Variants in NCOA2 observed in about 807,000 individuals in gnomAD.
NCOA2 encodes nuclear receptor coactivator 2.
In NCOA2, 21 loss-of-function variants were observed where a neutral mutation model predicts 145.1. That is an observed-to-expected ratio of 0.14 (90% CI 0.10 to 0.21). NCOA2 has a LOEUF of 0.21. NCOA2 is among the 10% of genes least tolerant of loss of function. The probability of loss-of-function intolerance (pLI) is 1.00; values close to 1 mark genes in which losing one functional copy is unlikely to be tolerated. For missense variants in NCOA2, 1,472 were observed against 1,837.6 expected (o/e 0.80, Z 3.64); for synonymous variants, 619 against 637.5 (o/e 0.97, Z 0.44).
intron 1 of NCOA2, among the ~76,000 whole-genome samples, chr8:70,309,734 T>TGAACCTAGGAGTTCCAGACCA (rs1828164294): frequency 6.6e-6 from 1 of 152,054 alleles, no homozygotes; most frequent in South Asian, 2.1e-4. Flanking sequence ...GAGGATTGCT[T>TGAACCTAGGAGTTCCAGACCA]GAACCTAGGA....
At chr8:70,144,502 T>C (rs1366222674) in intron 13 of NCOA2, 140 bp downstream of exon 13, 2 of 709,242 alleles carry the variant, frequency 2.8e-6, no homozygotes, top group Admixed American at 5.3e-5. Flanking sequence ...ACAGTGAAAA[T>C]CTGTAGAATT....
At chr8:70,145,457 TG>T (rs1563519406) in intron 12 of NCOA2, among the ~76,000 whole-genome samples, 2 of 152,138 alleles carry the variant, frequency 1.3e-5, no homozygotes, top group East Asian at 3.9e-4. Flanking sequence ...CCCGAGTAGC[TG>T]GGACTACAGC....
the NCOA2 span, among the ~76,000 whole-genome samples, chr8:70,442,015 A>C: frequency 6.8e-6 from 1 of 146,114 alleles, no homozygotes; most frequent in South Asian, 2.2e-4. Flanking sequence ...GAAATAAAGG[A>C]AAGAAAGAAA....
In NCOA2 at chr8:70,170,197, T is replaced by C. The variant is rs1814093238; in HGVS notation, c.541+5A>G. Reference sequence around the variant, plus strand: ...GGTAGGGAGGGAGACCCAGCAGACATTTACCTATAGACTTTGGCAGCAGGT... The same window carrying C: ...GGTAGGGAGGGAGACCCAGCAGACACTTACCTATAGACTTTGGCAGCAGGT... On this transcript the variant is annotated splice_donor_5th_base_variant and intron_variant, in intron 6 of 22. Transcript: ENST00000452400. 2 of 1,612,246 alleles carry C rather than the reference T, an allele frequency of 1.2e-6. No homozygotes were observed. Among genetic ancestry groups the C allele is most frequent in the African/African-American group, 2.7e-5 (2 of 74,844 alleles).
intron 2 of NCOA2, among the ~76,000 whole-genome samples, chr8:70,240,258 G>T (rs1822012106): frequency 6.6e-6 from 1 of 152,144 alleles, no homozygotes; most frequent in Non-Finnish European, 1.5e-5. Flanking sequence ...TGTAATATTT[G>T]CAGATAACAT....
intron 9 of NCOA2, among the ~76,000 whole-genome samples, chr8:70,161,169 T>C (rs1563547982): frequency 6.6e-6 from 1 of 152,222 alleles, no homozygotes; most frequent in Non-Finnish European, 1.5e-5. Context: ...AAGTTTGAAA[T>C]GTCTATACGG....
chr8:70,302,211 A>G (rs929906974), intron 1 of NCOA2, among the ~76,000 whole-genome samples: 2 of 152,176 alleles, frequency 1.3e-5, no homozygotes, highest in Non-Finnish European at 2.9e-5. Flanking sequence ...TATAGCCTTC[A>G]TGTGAATTTT....
chr8:70,208,176 T>C (rs1289775989), intron 4 of NCOA2, among the ~76,000 whole-genome samples: 3 of 152,066 alleles, frequency 2.0e-5, no homozygotes, highest in Non-Finnish European at 4.4e-5. Context: ...GGACAGAAGA[T>C]CAAGCCAGCC....
At chr8:70,244,182 G>A (rs1822410929) in intron 2 of NCOA2, among the ~76,000 whole-genome samples, 1 of 151,944 alleles carries the variant, frequency 6.6e-6, no homozygotes, top group African/African-American at 2.4e-5. Context: ...TATGTGATTT[G>A]GAAACATACA....
chr8:70,423,507 G>A, the NCOA2 span, among the ~76,000 whole-genome samples: 1 of 152,122 alleles, frequency 6.6e-6, no homozygotes. Flanking sequence ...ATCCTCTGAA[G>A]TGCAGGAGAT....
At chr8:70,201,049 C>CAAAAAAAAA (rs60951750) in intron 4 of NCOA2, among the ~76,000 whole-genome samples, 2 of 63,938 alleles carry the variant, frequency 3.1e-5, no homozygotes, top group Non-Finnish European at 2.7e-5. Flanking sequence ...GACTGTGTCT[C>CAAAAAAAAA]AAAAAAAAAA....
chr8:70,214,298 T>C (rs1411737274), intron 3 of NCOA2, among the ~76,000 whole-genome samples: 1 of 152,170 alleles, frequency 6.6e-6, no homozygotes, highest in Non-Finnish European at 1.5e-5. Flanking sequence ...TTCAATGTGT[T>C]TGGCGTCTCC....
chr8:70,250,474 G>T (rs1476422507), intron 2 of NCOA2, among the ~76,000 whole-genome samples: 1 of 150,602 alleles, frequency 6.6e-6, no homozygotes, highest in East Asian at 1.9e-4. Flanking sequence ...GGAGGCTGAG[G>T]CAAGAGGATC....
chr8:70,384,383 A>G (rs552931336), intron 1 of NCOA2, among the ~76,000 whole-genome samples: 1 of 152,320 alleles, frequency 6.6e-6, no homozygotes, highest in South Asian at 2.1e-4. Flanking sequence ...CTAGTCAAAA[A>G]TAACACTTAA....
At chr8:70,449,264 C>A in the NCOA2 span, among the ~76,000 whole-genome samples, 2 of 152,206 alleles carry the variant, frequency 1.3e-5, no homozygotes, top group South Asian at 4.1e-4. Flanking sequence ...AGCACCTGCT[C>A]TCATTTATGC....
chr8:70,422,361 G>A, the NCOA2 span, among the ~76,000 whole-genome samples: 3 of 151,692 alleles, frequency 2.0e-5, no homozygotes, highest in Non-Finnish European at 2.9e-5. Context: ...TGCCTTAAAG[G>A]TGCATATCCT....
the NCOA2 span, among the ~76,000 whole-genome samples, chr8:70,441,916 A>G: frequency 1.3e-5 from 2 of 149,102 alleles, no homozygotes; most frequent in African/African-American, 2.5e-5. Flanking sequence ...ACAGGGTCAC[A>G]GTCACAGGTG....
intron 2 of NCOA2, among the ~76,000 whole-genome samples, chr8:70,226,255 G>A (rs1349472511): frequency 6.6e-6 from 1 of 151,988 alleles, no homozygotes; most frequent in Admixed American, 6.6e-5. Context: ...TAATAAGAAG[G>A]AAGAGGGAAA....
intron 12 of NCOA2, among the ~76,000 whole-genome samples, chr8:70,145,331 C>CT (rs1554573297): frequency 1.1e-3 from 161 of 146,848 alleles, no homozygotes; most frequent in Non-Finnish European, 2.0e-3. Flanking sequence ...CTAATTTTTT[C>CT]TTTTTTTTTT....
Sources: gnomAD v4.1 joint callset for allele counts (sites outside exome capture counted in the v4.1 genomes callset) on GRCh38, gnomAD v4.1.1 for gene constraint, MANE v1.5 for transcripts, NCBI Gene and HGNC (gene_info 2026-07-23, HGNC 2026-07-21) for gene names.